Variants in RHOA observed in about 807,000 individuals in gnomAD.
The protein encoded by RHOA is ras homolog family member A, also known as transforming protein RhoA.
In RHOA, 3 loss-of-function variants were observed where a neutral mutation model predicts 17.5. The ratio of observed to expected loss-of-function variants is 0.17; its 90% CI spans 0.08 to 0.44. RHOA has a LOEUF of 0.44. Among genes scored for constraint, RHOA ranks in the 20% least tolerant of loss-of-function variants. The probability of loss-of-function intolerance (pLI) is 0.99; values close to 1 mark genes in which losing one functional copy is unlikely to be tolerated. For missense variants in RHOA, 56 were observed against 242.3 expected (o/e 0.23, Z 5.10); for synonymous variants, 98 against 88.4 (o/e 1.11, Z -0.61).
intron 1 of RHOA, among the ~76,000 whole-genome samples, chr3:49,391,678 A>G (rs1479263136): frequency 6.6e-6 from 1 of 151,830 alleles, no homozygotes; most frequent in Non-Finnish European, 1.5e-5. Flanking sequence ...TGCCCGGGTA[A>G]TTTTGTATTT....
At chr3:49,365,190 T>A (rs1234047327) in intron 3 of RHOA, 1 of 151,158 alleles carries the variant, frequency 6.6e-6, no homozygotes, top group Admixed American at 6.6e-5. Context: ...TCGCCCAGGC[T>A]GGAGCGCAGT....
At chr3:49,404,478 G>A (rs1394518590) in intron 1 of RHOA, among the ~76,000 whole-genome samples, 1 of 27,854 alleles carries the variant, frequency 3.6e-5, no homozygotes, top group East Asian at 2.1e-3. Flanking sequence ...GGGCATGGTG[G>A]CACGCACCTG....
intron 1 of RHOA, among the ~76,000 whole-genome samples, chr3:49,408,249 C>T (rs7610067): frequency 7.0e-6 from 1 of 143,372 alleles, no homozygotes; most frequent in Non-Finnish European, 1.5e-5. Context: ...CGTATATGTA[C>T]ACATATATAT....
intron 1 of RHOA, among the ~76,000 whole-genome samples, chr3:49,381,189 G>A (rs139557061): frequency 3.3e-5 from 5 of 151,540 alleles, no homozygotes; most frequent in South Asian, 2.1e-4. Context: ...CGGATCACTT[G>A]AGGTCCAGAG....
intron 1 of RHOA, among the ~76,000 whole-genome samples, chr3:49,381,658 A>C (rs1455597704): frequency 6.6e-6 from 1 of 151,718 alleles, no homozygotes; most frequent in East Asian, 1.9e-4. Flanking sequence ...CGATGTCAGG[A>C]GTTCGAGACC....
At chr3:49,381,615 C>T (rs151210613) in intron 1 of RHOA, among the ~76,000 whole-genome samples, 26 of 151,278 alleles carry the variant, frequency 1.7e-4, no homozygotes, top group African/African-American at 5.3e-4. Flanking sequence ...GCCTGTAATC[C>T]CAGCACTTTG....
intron 1 of RHOA, among the ~76,000 whole-genome samples, chr3:49,376,339 T>C (rs917863254): frequency 6.6e-6 from 1 of 151,876 alleles, no homozygotes; most frequent in African/African-American, 2.4e-5. Context: ...CAGGATACAA[T>C]ATTAACATTA....
chr3:49,362,097 G>C (rs993299996), intron 4 of RHOA, among the ~76,000 whole-genome samples: 7 of 151,350 alleles, frequency 4.6e-5, no homozygotes, highest in Non-Finnish European at 8.8e-5. Flanking sequence ...TGAGGCAGAA[G>C]AATCGCTTGA....
intron 1 of RHOA, among the ~76,000 whole-genome samples, chr3:49,381,664 AGACCAGCCT>A (rs769485312): frequency 5.9e-5 from 9 of 151,956 alleles, no homozygotes; most frequent in South Asian, 4.2e-4. Flanking sequence ...CAGGAGTTCG[AGACCAGCCT>A]GACCAACATG....
At chr3:49,384,431 G>A (rs879663619) in intron 1 of RHOA, among the ~76,000 whole-genome samples, 2 of 152,088 alleles carry the variant, frequency 1.3e-5, no homozygotes, top group Non-Finnish European at 2.9e-5. Flanking sequence ...TGGAGTAGAG[G>A]TTTATTTAAC....
chr3:49,395,244 C>T (rs2048594586), intron 1 of RHOA, among the ~76,000 whole-genome samples: 2 of 149,892 alleles, frequency 1.3e-5, no homozygotes, highest in Admixed American at 6.6e-5. Flanking sequence ...GTGCAAGACT[C>T]CGTCTCAAAA....
chr3:49,391,099 T>A (rs560634260), intron 1 of RHOA, among the ~76,000 whole-genome samples: 1 of 151,372 alleles, frequency 6.6e-6, no homozygotes, highest in Admixed American at 6.6e-5. Context: ...GCACCTGTAG[T>A]CCCAGCTACT....
At chr3:49,363,891 C>T (rs1575642489) in intron 3 of RHOA, among the ~76,000 whole-genome samples, 1 of 151,848 alleles carries the variant, frequency 6.6e-6, no homozygotes, top group African/African-American at 2.4e-5. Flanking sequence ...CAAAAACATA[C>T]AAAAACTTAG....
chr3:49,381,755 C>A (rs1023919484), intron 1 of RHOA, among the ~76,000 whole-genome samples: 1 of 151,560 alleles, frequency 6.6e-6, no homozygotes, highest in African/African-American at 2.4e-5. Context: ...ATCTCAGCTA[C>A]TCAGGAGGCT....
chr3:49,360,477 C>G, intron 4 of RHOA, 95 bp from the exon 5 acceptor site: 1 of 1,364,878 alleles, frequency 7.3e-7, no homozygotes, highest in Admixed American at 2.5e-5. Context: ...ATTTTTTTTT[C>G]TTTTTTTGAG....
At chr3:49,363,650 G>A (rs1225324544) in intron 3 of RHOA, among the ~76,000 whole-genome samples, 1 of 151,906 alleles carries the variant, frequency 6.6e-6, no homozygotes, top group South Asian at 2.1e-4. Context: ...TCAGGAGTTC[G>A]AGACCAGCCT....
chr3:49,408,115 C>T (rs567492682), intron 1 of RHOA, among the ~76,000 whole-genome samples: 4 of 151,364 alleles, frequency 2.6e-5, no homozygotes, highest in Admixed American at 6.6e-5. Flanking sequence ...GCCGAGATGG[C>T]GCTACTGCAC....
intron 2 of RHOA, among the ~76,000 whole-genome samples, chr3:49,369,417 C>A (rs1411519704): frequency 6.6e-6 from 1 of 151,928 alleles, no homozygotes. Context: ...GAGAACCCAC[C>A]TCTACAAAAA....
At chr3:49,381,891 G>T (rs1361918039) in intron 1 of RHOA, among the ~76,000 whole-genome samples, 1 of 151,102 alleles carries the variant, frequency 6.6e-6, no homozygotes, top group Non-Finnish European at 1.5e-5. Flanking sequence ...AGAGAGTGAA[G>T]TTCCCCAGTT....
Sources: allele counts gnomAD v4.1 joint callset (sites outside exome capture counted in the v4.1 genomes callset), GRCh38; gene constraint gnomAD v4.1.1; transcripts MANE v1.5; gene names NCBI Gene and HGNC (gene_info 2026-07-23, HGNC 2026-07-21).